VPS13A: variants seen among roughly 807,000 people sequenced by gnomAD.
VPS13A encodes the protein vacuolar protein sorting 13 homolog A.
In VPS13A, 264 loss-of-function variants were observed where a neutral mutation model predicts 390.9. That is an observed-to-expected ratio of 0.68 (90% CI 0.61 to 0.75). VPS13A has a LOEUF of 0.75. Ranked by LOEUF, VPS13A falls within the 30% of genes least tolerant of loss-of-function variation. VPS13A has a pLI of 0.00. For synonymous variants in VPS13A, 1,231 were observed against 1,227.1 expected, an observed-to-expected ratio of 1.00 and a Z score of -0.07; for missense variants, 3,409 against 3,733.9, an observed-to-expected ratio of 0.91 and a Z score of 2.27.
chr9:77,260,455 A>G (rs1260906460), intron 23 of VPS13A, among the ~76,000 whole-genome samples: 1 of 144,164 alleles, frequency 6.9e-6, no homozygotes, highest in African/African-American at 2.6e-5. Flanking sequence ...TCCCAGGCTC[A>G]CGCCATTCTC....
At chr9:77,348,934 A>C (rs1447592458) in intron 52 of VPS13A, among the ~76,000 whole-genome samples, 2 of 152,208 alleles carry the variant, frequency 1.3e-5, no homozygotes, top group Admixed American at 1.3e-4. Context: ...ATATTTTTAA[A>C]CCAAATTTAT....
At chr9:77,194,841 C>T (rs1304652541) in intron 1 of VPS13A, among the ~76,000 whole-genome samples, 1 of 152,002 alleles carries the variant, frequency 6.6e-6, no homozygotes, top group Non-Finnish European at 1.5e-5. Context: ...GTGTGCTGGT[C>T]TTCTTGATGG....
At chr9:77,192,376 T>A (rs1036521498) in intron 1 of VPS13A, among the ~76,000 whole-genome samples, 13 of 152,232 alleles carry the variant, frequency 8.5e-5, no homozygotes, top group African/African-American at 3.1e-4. Context: ...GATTTCATCC[T>A]GTTATCGTGT....
Position 77,205,313 on chromosome 9 carries a change from G to A in VPS13A, c.188G>A (p.Gly63Asp). The A allele has an allele frequency of 6.8e-7, 1 of 1,472,402 alleles. No individual in the cohort carries two copies. The highest frequency in any genetic ancestry group is 9.2e-7 in the Non-Finnish European group (1 of 1,091,074). 91.2% of individuals were successfully genotyped at this position (1,472,402 alleles called of 1,614,324 possible). A position where few individuals can be genotyped will look rare whatever the true frequency, so the allele number is the denominator to read the frequency against. The change falls in exon 4 of 72, where the codon GGT (glycine) becomes GAT (aspartate). Residue 63 changes from glycine to aspartate, a missense_variant and splice_region_variant. Gly to Asp is a moderately conservative substitution (Grantham distance 94). Coordinates refer to ENST00000360280, the MANE Select transcript of VPS13A (RefSeq NM_033305.3). ...TTTTTTTTTTCCCAAAAAAATGTAG[G>A]TAATCTTAAACTTATAATTCCATGG... ...VPFKVKVGHI[G>D]NLKLIIPWKN...
chr9:77,310,068 A>G (rs1330525871), intron 35 of VPS13A, among the ~76,000 whole-genome samples: 2 of 152,224 alleles, frequency 1.3e-5, no homozygotes, highest in African/African-American at 4.8e-5. Context: ...CAGCCAAGCC[A>G]TCACCCAAAA....
intron 68 of VPS13A, among the ~76,000 whole-genome samples, chr9:77,400,223 A>ATTTTTTT (rs34605855): frequency 4.1e-4 from 36 of 88,108 alleles, no homozygotes; most frequent in East Asian, 1.3e-3. Context: ...TATCAGTCAG[A>ATTTTTTT]TTTTTTTTTT....
intron 45 of VPS13A, among the ~76,000 whole-genome samples, chr9:77,326,372 G>T (rs1379230499): frequency 1.3e-5 from 2 of 151,672 alleles, no homozygotes; most frequent in Non-Finnish European, 2.9e-5. Flanking sequence ...TCTCCTTTAG[G>T]TACCAGTTAG....
At position 77,421,010 on chromosome 9, in the gene VPS13A, C is replaced by G. The variant is rs1203603833; in HGVS notation, c.*5004C>G. 2 of 152,124 alleles carry G rather than the reference C, an allele frequency of 1.3e-5. No individual in the cohort carries two copies. Among genetic ancestry groups the G allele is most frequent in the African/African-American group, 4.8e-5 (2 of 41,408 alleles). 9.4% of individuals were successfully genotyped at this position (152,124 alleles called of 1,614,324 possible). A position where few individuals can be genotyped will look rare whatever the true frequency, so the allele number is the denominator to read the frequency against. On this transcript the variant is annotated 3_prime_UTR_variant, in exon 72 of 72. Coordinates refer to ENST00000360280, the MANE Select transcript of VPS13A (RefSeq NM_033305.3). The stretch of plus-strand genomic sequence containing the variant: ...TGTTACAAGGTCAGATAAACTGTTA[C>G]AGAATTTTAGAAATAATTATCTCTG...
At chr9:77,205,532 T>C (rs1315994022) in intron 4 of VPS13A, 124 bp downstream of exon 4, 2 of 399,150 alleles carry the variant, frequency 5.0e-6, no homozygotes, top group Non-Finnish European at 8.5e-6. Flanking sequence ...TATTTGTTAA[T>C]TCAAATTAAA....
rs1169254413 is a variant in VPS13A at position 77,411,660 on chromosome 9, C to CAAAAAAAAAAA, written c.9474+4068_9474+4078dup. On this transcript the variant is annotated intron_variant, in intron 71 of 71. Coordinates refer to ENST00000360280, the MANE Select transcript of VPS13A (RefSeq NM_033305.3). ...CCTAGGCAACAGCAAAACTCCATCT[C>CAAAAAAAAAAA]AAAAAAAAAAAAAAAAAAAAAAAAA... Among the ~76,000 whole-genome samples the CAAAAAAAAAAA allele has an allele frequency of 3.7e-3, 127 of 33,910 alleles. 14 individuals are homozygous for CAAAAAAAAAAA. Among genetic ancestry groups the CAAAAAAAAAAA allele is most frequent in the African/African-American group, 0.013 (106 of 8,324 alleles). 22.2% of individuals were successfully genotyped at this position (33,910 alleles called of 152,430 possible).
chr9:77,286,815 G>A (rs930685254), intron 31 of VPS13A, among the ~76,000 whole-genome samples: 3 of 152,120 alleles, frequency 2.0e-5, no homozygotes, highest in African/African-American at 7.2e-5. Context: ...ATACTATTAA[G>A]TATAAGCCTG....
chr9:77,359,775 A>C (rs1012144783), intron 58 of VPS13A, among the ~76,000 whole-genome samples: 3 of 149,704 alleles, frequency 2.0e-5, no homozygotes, highest in Non-Finnish European at 3.0e-5. Context: ...CTGAGATCAC[A>C]CCACTGCACT....
At chr9:77,389,935 A>G (rs1833838688) in intron 68 of VPS13A, 1 of 271,698 alleles carries the variant, frequency 3.7e-6, no homozygotes, top group African/African-American at 2.3e-5. Flanking sequence ...TGTCTTGTAT[A>G]TTTCTTTTCT....
At chr9:77,276,796 A>G (rs754521339) in intron 26 of VPS13A, among the ~76,000 whole-genome samples, 3 of 152,222 alleles carry the variant, frequency 2.0e-5, no homozygotes, top group Non-Finnish European at 2.9e-5. Context: ...ATAAGGCATC[A>G]GATCCTCCTC....
At chr9:77,281,834 G>A (rs1474717670) in intron 27 of VPS13A, 33 bp from the exon 28 acceptor site, 7 of 1,450,196 alleles carry the variant, frequency 4.8e-6, no homozygotes, top group South Asian at 1.1e-5. Context: ...TCTTCCTAAC[G>A]TGTTCTAACA....
intron 1 of VPS13A, among the ~76,000 whole-genome samples, chr9:77,178,515 G>A (rs1823798008): frequency 2.6e-5 from 4 of 152,198 alleles, no homozygotes; most frequent in Admixed American, 2.6e-4. Flanking sequence ...CAAGACTTTA[G>A]GATATGTGGG....
chr9:77,179,140 T>G (rs1326835136), intron 1 of VPS13A, among the ~76,000 whole-genome samples: 1 of 152,240 alleles, frequency 6.6e-6, no homozygotes. Context: ...TTAAGAATAC[T>G]TGAGGTGAAC....
At chr9:77,192,043 C>T (rs1164928125) in intron 1 of VPS13A, among the ~76,000 whole-genome samples, 1 of 151,980 alleles carries the variant, frequency 6.6e-6, no homozygotes, top group Non-Finnish European at 1.5e-5. Flanking sequence ...TGGGTATATA[C>T]GTATTTAGGA....
rs751007679 is a variant in VPS13A at position 77,228,281 on chromosome 9, C to CT, written c.1595+24dup. 118 of 1,562,772 alleles carry CT rather than the reference C, an allele frequency of 7.6e-5. No individual in the cohort carries two copies. Among genetic ancestry groups the CT allele is most frequent in the Non-Finnish European group, 9.4e-5 (108 of 1,152,328 alleles). Reference sequence around the variant, plus strand: ...AGCAATAAAGTAAGTATTAATTTATCTTTTTTTATCATATATGAAAAAACT... The same window carrying CT: ...AGCAATAAAGTAAGTATTAATTTATCTTTTTTTTATCATATATGAAAAAACT... On this transcript the variant is annotated intron_variant, in intron 17 of 71. Coordinates refer to ENST00000360280, the MANE Select transcript of VPS13A (RefSeq NM_033305.3).
Sources: gnomAD v4.1 joint callset for allele counts (sites outside exome capture counted in the v4.1 genomes callset) on GRCh38, gnomAD v4.1.1 for gene constraint, MANE v1.5 for transcripts, NCBI Gene and HGNC (gene_info 2026-07-23, HGNC 2026-07-21) for gene names.